Variants in ANKRD33B observed in about 807,000 individuals in gnomAD.
ANKRD33B encodes the protein ankyrin repeat domain-containing protein 33B.
Under a neutral mutation model 21.5 loss-of-function variants are expected in ANKRD33B, and 6 were observed. The observed-to-expected ratio is 0.28, with a 90% CI of 0.15 to 0.55. The LOEUF (loss-of-function observed/expected upper bound fraction) is 0.55, where lower values mean the gene tolerates loss of function less well. ANKRD33B is among the 20% of genes least tolerant of loss of function. ANKRD33B has a pLI of 0.94. For synonymous variants in ANKRD33B, 347 were observed against 342.4 expected (o/e 1.01, Z -0.15); for missense variants, 698 against 747.2 (o/e 0.93, Z 0.77).
chr5:10,576,778 T>G lies in ANKRD33B; in HGVS notation c.366+11945T>G, dbSNP rs1203870819. Reference sequence around the variant, plus strand: ...GAATGTTTAACCAAAAGAAGAGTAGTTAAGAAAATAGCACATCCACATGGT... The same window carrying G: ...GAATGTTTAACCAAAAGAAGAGTAGGTAAGAAAATAGCACATCCACATGGT... On this transcript the variant is annotated intron_variant, in intron 1 of 3. Transcript: ENST00000296657. This position sits in a 1 kb window ranked among gnomAD's most constrained non-coding sequence, Gnocchi z 4.1. Among the ~76,000 whole-genome samples the G allele has an allele frequency of 6.6e-6, 1 of 152,192 alleles. No homozygotes were observed. Among genetic ancestry groups the G allele is most frequent in the Non-Finnish European group, 1.5e-5 (1 of 68,028 alleles).
At chr5:10,630,806 G>A (rs1477700225) in intron 2 of ANKRD33B, among the ~76,000 whole-genome samples, 1 of 151,518 alleles carries the variant, frequency 6.6e-6, no homozygotes, top group Non-Finnish European at 1.5e-5. Flanking sequence ...CCAGGAGGCT[G>A]AGGTTGCAGT....
chr5:10,577,948 G>C (rs1302518304), intron 1 of ANKRD33B, among the ~76,000 whole-genome samples: 2 of 152,168 alleles, frequency 1.3e-5, no homozygotes, highest in African/African-American at 4.8e-5. Flanking sequence ...TGTTTCCTTG[G>C]GAGTACAAAG....
At chr5:10,626,570 C>T (rs1472285542) in intron 2 of ANKRD33B, among the ~76,000 whole-genome samples, 1 of 152,188 alleles carries the variant, frequency 6.6e-6, no homozygotes, top group Non-Finnish European at 1.5e-5. Flanking sequence ...CATCTGCGGG[C>T]GATGTTGCAG....
Position 10,649,789 on chromosome 5 carries a change from C to T in ANKRD33B, c.1161C>T (p.Leu387=). The change falls in exon 4 of 4, where the codon CTC becomes CTT. Residue 387 remains leucine, a synonymous_variant. Coordinates refer to ENST00000296657, the MANE Select transcript of ANKRD33B (RefSeq NM_001164440.2). ...DSREGSPRAG[L]PPALGSRGPA... ...GGGAGGGCTCCCCGAGAGCCGGCCTCCCTCCCGCCCTGGGGTCCCGGGGCC... is the reference window on the plus strand; with the variant it reads ...GGGAGGGCTCCCCGAGAGCCGGCCTTCCTCCCGCCCTGGGGTCCCGGGGCC... The T allele has an allele frequency of 1.4e-6, 2 of 1,397,262 alleles. No individual in the cohort carries two copies. Among genetic ancestry groups the T allele is most frequent in the Non-Finnish European group, 1.8e-6 (2 of 1,082,134 alleles). 86.6% of individuals were successfully genotyped at this position (1,397,262 alleles called of 1,614,324 possible).
chr5:10,605,551 G>C (rs894960070), intron 1 of ANKRD33B, among the ~76,000 whole-genome samples: 2 of 148,996 alleles, frequency 1.3e-5, no homozygotes, highest in African/African-American at 4.9e-5. Context: ...TTTTTGAGGT[G>C]GAGTTTTGTT....
At chr5:10,615,985 T>C (rs1736275597) in intron 1 of ANKRD33B, among the ~76,000 whole-genome samples, 1 of 152,336 alleles carries the variant, frequency 6.6e-6, no homozygotes, top group Admixed American at 6.5e-5. Context: ...CTCTTTTCTA[T>C]TTAAAATTAG....
chr5:10,594,458 T>C (rs1403015838), intron 1 of ANKRD33B, among the ~76,000 whole-genome samples: 1 of 152,190 alleles, frequency 6.6e-6, no homozygotes, highest in Non-Finnish European at 1.5e-5. Context: ...CCTCAGCTGA[T>C]CTGCCCTCCT....
intron 2 of ANKRD33B, among the ~76,000 whole-genome samples, chr5:10,633,051 G>T (rs186718489): frequency 2.1e-4 from 31 of 149,800 alleles, no homozygotes; most frequent in African/African-American, 6.9e-4. Flanking sequence ...GCCTCCCAAA[G>T]TGCTAGGATT....
intron 2 of ANKRD33B, among the ~76,000 whole-genome samples, chr5:10,636,170 GGGGA>G (rs10577762): frequency 0.42 from 63,607 of 151,100 alleles, 13,582 homozygotes; most frequent in Middle Eastern, 0.56. Context: ...GTGTTCCTGG[GGGGA>G]GGGAGGTGAT....
chr5:10,606,546 C>T (rs887851985), intron 1 of ANKRD33B, among the ~76,000 whole-genome samples: 8 of 151,944 alleles, frequency 5.3e-5, no homozygotes, highest in South Asian at 2.1e-4. Context: ...CCATCCTGGC[C>T]AACATGGTGA....
At chr5:10,592,689 A>C (rs987596728) in intron 1 of ANKRD33B, among the ~76,000 whole-genome samples, 1 of 151,880 alleles carries the variant, frequency 6.6e-6, no homozygotes, top group Non-Finnish European at 1.5e-5. Context: ...TTGCAGTGAG[A>C]GACCCCAGGC....
Position 10,586,485 on chromosome 5 carries a change from CTGTGTGTGTGTGTGTGTG to C in ANKRD33B, c.366+21684_366+21701del, listed in dbSNP as rs55940283. Among the ~76,000 whole-genome samples, 518 of 140,510 alleles carry C rather than the reference CTGTGTGTGTGTGTGTGTG, an allele frequency of 3.7e-3. 2 individuals are homozygous for C. Among genetic ancestry groups the C allele is most frequent in the Middle Eastern group, 0.014 (4 of 276 alleles). The allele number at this position is 140,510 out of a possible 152,430, so 92.2% of individuals were successfully genotyped here. On this transcript the variant is annotated intron_variant, in intron 1 of 3. Coordinates refer to ENST00000296657, the MANE Select transcript of ANKRD33B (RefSeq NM_001164440.2). The stretch of plus-strand genomic sequence containing the variant: ...TACGATGTGCGTTGGGTTCTTGTAA[CTGTGTGTGTGTGTGTGTG>C]TGTGTGTGTGTGTGTGTGTGTGTGT...
chr5:10,598,918 T>C (rs924204435), intron 1 of ANKRD33B, among the ~76,000 whole-genome samples: 8 of 152,206 alleles, frequency 5.3e-5, no homozygotes, highest in African/African-American at 1.7e-4. Context: ...TCTGTTGAGG[T>C]ATAATTGACA....
chr5:10,629,580 CAG>C (rs1382668806), intron 2 of ANKRD33B, among the ~76,000 whole-genome samples: 7 of 152,156 alleles, frequency 4.6e-5, no homozygotes. Context: ...ACTCAGTAGA[CAG>C]ATACTCAGGT....
chr5:10,617,907 C>T (rs923180781), intron 1 of ANKRD33B, among the ~76,000 whole-genome samples: 7 of 152,160 alleles, frequency 4.6e-5, no homozygotes, highest in Non-Finnish European at 7.4e-5. Flanking sequence ...CTTTCACACA[C>T]GGACCCCAAC....
chr5:10,594,745 A>C (rs867930728), intron 1 of ANKRD33B, among the ~76,000 whole-genome samples: 2 of 152,194 alleles, frequency 1.3e-5, no homozygotes, highest in Non-Finnish European at 2.9e-5. Flanking sequence ...TCACTGATAC[A>C]TGTCAGGAAC....
chr5:10,567,155 G>A (rs1735080578), intron 1 of ANKRD33B, among the ~76,000 whole-genome samples: 1 of 152,188 alleles, frequency 6.6e-6, no homozygotes, highest in Admixed American at 6.5e-5. Flanking sequence ...GACGGAGCAG[G>A]GCTTGTGTTC....
chr5:10,610,406 C>CT (rs1560972969), intron 1 of ANKRD33B, among the ~76,000 whole-genome samples: 1 of 151,844 alleles, frequency 6.6e-6, no homozygotes. Flanking sequence ...GGACAGCCCC[C>CT]CCCCCGAATA....
chr5:10,586,073 C>G (rs1735552096), intron 1 of ANKRD33B, among the ~76,000 whole-genome samples: 1 of 152,138 alleles, frequency 6.6e-6, no homozygotes, highest in African/African-American at 2.4e-5. Context: ...TTGGGAGTTT[C>G]TCTGTTGTCT....
Sources: gnomAD v4.1 joint callset for allele counts (sites outside exome capture counted in the v4.1 genomes callset) on GRCh38, gnomAD v4.1.1 for gene constraint, Gnocchi (gnomAD v3.1) non-coding constraint, MANE v1.5 for transcripts, NCBI Gene and HGNC (gene_info 2026-07-23, HGNC 2026-07-21) for gene names.